Variants in ZNF2 observed in about 807,000 individuals in gnomAD.
The protein encoded by ZNF2 is zinc finger protein 2.2.
In ZNF2, 12 loss-of-function variants were observed where a neutral mutation model predicts 21.9. The observed-to-expected ratio is 0.55, with a 90% CI of 0.35 to 0.89. The LOEUF (loss-of-function observed/expected upper bound fraction) is 0.89. Ranked by LOEUF, ZNF2 falls within the 40% of genes least tolerant of loss-of-function variation. The probability of loss-of-function intolerance (pLI) is 0.01; values close to 1 mark genes in which losing one functional copy is unlikely to be tolerated. For synonymous variants in ZNF2, 186 were observed against 196.3 expected (o/e 0.95, Z 0.44); for missense variants, 462 against 544.2 (o/e 0.85, Z 1.50).
At position 95,177,357 on chromosome 2, in the gene ZNF2, C is replaced by G; in HGVS notation, c.34-126C>G. ...TTTTCCCAAATGCTTTAAAGTTCTA[C>G]TCAGTCAGAACTGTTTTTCTTTCCT... On this transcript the variant is annotated intron_variant, in intron 2 of 4. Coordinates refer to ENST00000614034, the MANE Select transcript of ZNF2 (RefSeq NM_021088.4). The G allele has an allele frequency of 4.4e-6, 5 of 1,130,290 alleles. No homozygotes were observed. In the South Asian group the frequency reaches 7.9e-5, roughly 18 times the overall value. 70.0% of individuals were successfully genotyped at this position (1,130,290 alleles called of 1,614,324 possible). A position where few individuals can be genotyped will look rare whatever the true frequency, so the allele number is the denominator to read the frequency against.
intron 1 of ZNF2, among the ~76,000 whole-genome samples, chr2:95,169,864 C>T (rs1398096935): frequency 1.3e-5 from 2 of 152,184 alleles, no homozygotes; most frequent in East Asian, 1.9e-4. Flanking sequence ...ACTAACTTTA[C>T]TTAGCACATT....
chr2:95,180,993 C>G lies in ZNF2; in HGVS notation c.275-110C>G, dbSNP rs1674618401. 4 of 1,302,392 alleles carry G rather than the reference C, an allele frequency of 3.1e-6. No individual in the cohort carries two copies. The African/African-American group carries it at 4.4e-5, about 14-fold the overall frequency. 80.7% of individuals were successfully genotyped at this position (1,302,392 alleles called of 1,614,324 possible). A position where few individuals can be genotyped will look rare whatever the true frequency, so the allele number is the denominator to read the frequency against. On this transcript the variant is annotated intron_variant, in intron 4 of 4. Coordinates refer to ENST00000614034, the MANE Select transcript of ZNF2 (RefSeq NM_021088.4). ...TGCCGTGTAAGACTATCTATGGGAG[C>G]AAGCAATGCAGTGACCATACATTAC...
intron 1 of ZNF2, among the ~76,000 whole-genome samples, chr2:95,174,509 T>A (rs935122512): frequency 6.6e-6 from 1 of 152,216 alleles, no homozygotes; most frequent in Non-Finnish European, 1.5e-5. Flanking sequence ...TTGTTAATCC[T>A]TTCCATGTAA....
At chr2:95,172,638 GTTTT>G (rs779777588) in intron 1 of ZNF2, among the ~76,000 whole-genome samples, 1 of 137,224 alleles carries the variant, frequency 7.3e-6, no homozygotes, top group African/African-American at 2.7e-5. Flanking sequence ...TTTCTTTGTG[GTTTT>G]TTTTTTTTTT....
chr2:95,172,940 C>T (rs1419881586), intron 1 of ZNF2, among the ~76,000 whole-genome samples: 4 of 150,326 alleles, frequency 2.7e-5, no homozygotes, highest in African/African-American at 9.7e-5. Flanking sequence ...CCTGGCCGTT[C>T]TTTGTGGTTT....
chr2:95,174,045 A>G (rs138571421), intron 1 of ZNF2, among the ~76,000 whole-genome samples: 2 of 152,306 alleles, frequency 1.3e-5, no homozygotes, highest in East Asian at 3.9e-4. Context: ...ATATGTATGG[A>G]CTGGGCCATA....
intron 3 of ZNF2, among the ~76,000 whole-genome samples, chr2:95,177,947 G>A (rs1397628687): frequency 5.3e-5 from 8 of 152,190 alleles, no homozygotes; most frequent in African/African-American, 1.9e-4. Context: ...CAGAGGGGCA[G>A]GCAGAAGACG....
intron 3 of ZNF2, among the ~76,000 whole-genome samples, chr2:95,179,837 A>G (rs539518579): frequency 6.6e-6 from 1 of 152,308 alleles, no homozygotes; most frequent in East Asian, 1.9e-4. Context: ...CAGGTGGATC[A>G]CCTGAGGTCA....
chr2:95,180,035 C>G (rs142924917), intron 3 of ZNF2, 124 bp from the exon 4 acceptor site: 11 of 662,430 alleles, frequency 1.7e-5, no homozygotes, highest in Non-Finnish European at 2.4e-5. Context: ...CCAGCCTGGG[C>G]GACAGAGTGA....
rs1674630212 is a variant in ZNF2, at chr2:95,181,224, C to T, written c.396C>T (p.Gly132=). The T allele has an allele frequency of 2.5e-6, 4 of 1,614,064 alleles. No individual in the cohort carries two copies. The highest frequency in any genetic ancestry group is 3.4e-6 in the Non-Finnish European group (4 of 1,180,044). ...CPKFEVHTPN[G]RMGTEKQSPS... ...AATTTGAAGTTCATACACCCAATGGCAGGATGGGAACAGAAAAGCAAAGCC... is the reference window on the plus strand; with the variant it reads ...AATTTGAAGTTCATACACCCAATGGTAGGATGGGAACAGAAAAGCAAAGCC... Residue 132 remains glycine, a synonymous_variant, in exon 5 of 5, where the codon GGC becomes GGT. Coordinates refer to ENST00000614034, the MANE Select transcript of ZNF2 (RefSeq NM_021088.4).
intron 3 of ZNF2, among the ~76,000 whole-genome samples, chr2:95,178,137 GACACTTTGTA>G (rs1417260562): frequency 4.6e-5 from 7 of 152,192 alleles, no homozygotes; most frequent in African/African-American, 1.7e-4. Context: ...GCTCACAGAA[GACACTTTGTA>G]ATTATAGAGA....
At chr2:95,180,106 A>G in intron 3 of ZNF2, 53 bp from the exon 4 acceptor site, 2 of 1,250,610 alleles carry the variant, frequency 1.6e-6, no homozygotes, top group Non-Finnish European at 2.3e-6. Flanking sequence ...TGGGAGAGTG[A>G]TATTATTTTC....
chr2:95,177,005 A>G (rs1312361510), intron 2 of ZNF2, among the ~76,000 whole-genome samples: 1 of 152,154 alleles, frequency 6.6e-6, no homozygotes, highest in Non-Finnish European at 1.5e-5. Flanking sequence ...TCCATTTTTT[A>G]TAGTTATACT....
intron 3 of ZNF2, among the ~76,000 whole-genome samples, chr2:95,179,566 C>G (rs1287021013): frequency 6.6e-6 from 1 of 152,202 alleles, no homozygotes; most frequent in African/African-American, 2.4e-5. Flanking sequence ...CCTACCAGTG[C>G]TAACACTGGG....
chr2:95,173,524 A>G (rs1674349800), intron 1 of ZNF2, among the ~76,000 whole-genome samples: 1 of 152,244 alleles, frequency 6.6e-6, no homozygotes, highest in African/African-American at 2.4e-5. Context: ...TCCCAGGCAG[A>G]CATGGTTTCA....
intron 3 of ZNF2, among the ~76,000 whole-genome samples, chr2:95,179,773 G>T (rs1674573573): frequency 6.6e-6 from 1 of 152,206 alleles, no homozygotes; most frequent in South Asian, 2.1e-4. Flanking sequence ...CTTAGATGCT[G>T]TGGCCAGGCT....
chr2:95,181,173 T>G lies in ZNF2; in HGVS notation c.345T>G (p.Leu115=). ...KKSEGSLREC[L]GRQSPLCPKF... ...CAGAAGGATCATTGAGGGAATGCCT[T>G]GGAAGGCAAAGTCCTCTGTGTCCTA... The change falls in exon 5 of 5, where the codon CTT becomes CTG. Residue 115 remains leucine, a synonymous_variant. Transcript: ENST00000614034. 1.9e-6 allele frequency: 3 copies of G among 1,614,258 alleles called. No individual in the cohort carries two copies. The highest frequency in any genetic ancestry group is 3.3e-4 in the Middle Eastern group (2 of 6,062).
chr2:95,177,292 A>T (rs1289285929), intron 2 of ZNF2, among the ~76,000 whole-genome samples, 191 bp from the exon 3 acceptor site: 1 of 151,974 alleles, frequency 6.6e-6, no homozygotes, highest in Admixed American at 6.6e-5. Flanking sequence ...GTGGTGTGAG[A>T]TTCTGACCAA....
At position 95,181,926 on chromosome 2, in the gene ZNF2, C is replaced by T. The variant is rs199698430; in HGVS notation, c.1098C>T (p.Asp366=). 2.5e-6 allele frequency: 4 copies of T among 1,613,084 alleles called. No homozygotes were observed. The highest frequency in any genetic ancestry group is 2.5e-6 in the Non-Finnish European group (3 of 1,179,894). The change falls in exon 5 of 5, where the codon GAC becomes GAT. Residue 366 remains aspartate (D), a synonymous_variant. Coordinates refer to ENST00000614034, the MANE Select transcript of ZNF2 (RefSeq NM_021088.4). ...AGCATCAGAAGATCCACACTGGAGA[C>T]AAGCCATATGAATGCAGCGAATGCG... ...LTQHQKIHTG[D]KPYECSECGK...
Sources: allele counts gnomAD v4.1 joint callset (sites outside exome capture counted in the v4.1 genomes callset), GRCh38; gene constraint gnomAD v4.1.1; transcripts MANE v1.5; gene names NCBI Gene and HGNC (gene_info 2026-07-23, HGNC 2026-07-21).